The following ARMC2 variants were observed in gnomAD, a reference collection of about 807,000 sequenced individuals.
ARMC2 encodes armadillo repeat-containing protein 2.
A neutral mutation model predicts 90.3 loss-of-function variants in ARMC2; 67 were observed. That is an observed-to-expected ratio of 0.74 (90% CI 0.61 to 0.91). ARMC2 has a LOEUF of 0.91. Ranked by LOEUF, ARMC2 falls within the 40% of genes least tolerant of loss-of-function variation. The pLI, the probability that ARMC2 is intolerant of heterozygous loss-of-function variation, is 0.00. For synonymous variants in ARMC2, 393 were observed against 393.0 expected (o/e 1.00, Z 0.00); for missense variants, 920 against 1,030.9 (o/e 0.89, Z 1.47).
intron 8 of ARMC2, chr6:108,907,475 T>TAA: frequency 1.0e-5 from 5 of 500,818 alleles, no homozygotes; most frequent in Non-Finnish European, 1.6e-5. Context: ...TTTTTTTTTT[T>TAA]TTACCAGTCA....
chr6:109,004,736 G>A, the ARMC2 span, among the ~76,000 whole-genome samples: 8 of 151,456 alleles, frequency 5.3e-5, no homozygotes, highest in South Asian at 2.1e-4. Context: ...ACCAACAATC[G>A]TATTTTAAAA....
chr6:108,937,924 C>T (rs956323262), intron 12 of ARMC2, among the ~76,000 whole-genome samples: 3 of 152,108 alleles, frequency 2.0e-5, no homozygotes, highest in African/African-American at 7.2e-5. Context: ...TCTTGATCTC[C>T]TGACCTCATG....
At chr6:108,860,003 TTA>T (rs1491354168) in intron 3 of ARMC2, among the ~76,000 whole-genome samples, 1 of 132,404 alleles carries the variant, frequency 7.6e-6, no homozygotes, top group African/African-American at 3.1e-5. Context: ...AAACTCTGTC[TTA>T]AAAAAAAAAA....
chr6:108,881,198 GTTTC>G (rs1382071527), intron 5 of ARMC2, among the ~76,000 whole-genome samples: 2 of 143,956 alleles, frequency 1.4e-5, no homozygotes, highest in South Asian at 2.2e-4. Flanking sequence ...TTCTTTCTTT[GTTTC>G]TTTCTTTCCT....
At chr6:108,885,216 A>G (rs1255211570) in intron 5 of ARMC2, among the ~76,000 whole-genome samples, 3 of 123,774 alleles carry the variant, frequency 2.4e-5, no homozygotes, top group African/African-American at 8.7e-5. Flanking sequence ...TTATTAAAAA[A>G]GGTGCCAAGG....
At chr6:109,009,243 G>T in the ARMC2 span, 1 of 1,007,180 alleles carries the variant, frequency 9.9e-7, no homozygotes, top group Non-Finnish European at 1.3e-6. Flanking sequence ...GTTTTCGGAT[G>T]CTGACCGGGA....
chr6:108,870,888 G>C lies in ARMC2; in HGVS notation c.463+1893G>C, dbSNP rs1256356863. Among the ~76,000 whole-genome samples the C allele has an allele frequency of 1.4e-5, 2 of 146,708 alleles. 1 individual carries two copies. On this transcript the variant is annotated intron_variant, in intron 4 of 17. Transcript: ENST00000392644. ...TAGTGAGAGGAGATAGACAATGACAGGAGAACAAATAAGTAAGAGAATTTG... is the reference window on the plus strand; with the variant it reads ...TAGTGAGAGGAGATAGACAATGACACGAGAACAAATAAGTAAGAGAATTTG...
At position 108,904,369 on chromosome 6, in the gene ARMC2, C is replaced by T; in HGVS notation, c.987C>T (p.Asp329=). ...TLCKLVDVGS[D]SLSLKLAKII... ...GTAAACTAGTTGATGTTGGTTCAGA[C>T]TCGCTCAGCCTTAAACTTGCAAAAA... The change falls in exon 8 of 18, where the codon GAC becomes GAT. Residue 329 remains aspartate (D), a synonymous_variant. Transcript: ENST00000392644. 6.2e-7 allele frequency: 1 copy of T among 1,612,100 alleles called. No individual in the cohort carries two copies. Among genetic ancestry groups the T allele is most frequent in the South Asian group, 1.1e-5 (1 of 90,752 alleles).
At chr6:108,899,637 G>C in intron 6 of ARMC2, 57 bp from the exon 7 acceptor site, 2 of 1,308,654 alleles carry the variant, frequency 1.5e-6, no homozygotes, top group Non-Finnish European at 2.2e-6. Flanking sequence ...TTTTGACCAT[G>C]CTTCATGACA....
the ARMC2 span, among the ~76,000 whole-genome samples, chr6:108,993,409 T>G: frequency 1.2e-4 from 19 of 152,204 alleles, no homozygotes; most frequent in African/African-American, 4.6e-4. Flanking sequence ...TAGGAGTTGA[T>G]GAGATTATAG....
intron 10 of ARMC2, among the ~76,000 whole-genome samples, chr6:108,925,819 A>C (rs1775055087): frequency 6.6e-6 from 1 of 152,154 alleles, no homozygotes; most frequent in Non-Finnish European, 1.5e-5. Context: ...GAAATACGTG[A>C]GGTATTGTAT....
the ARMC2 span, chr6:108,992,641 C>T: frequency 3.1e-6 from 2 of 647,800 alleles, no homozygotes; most frequent in Non-Finnish European, 5.5e-6. Flanking sequence ...GAATTAGAAA[C>T]AGTCTTTCAC....
chr6:108,996,771 A>G, the ARMC2 span, among the ~76,000 whole-genome samples: 1 of 152,198 alleles, frequency 6.6e-6, no homozygotes, highest in Non-Finnish European at 1.5e-5. Flanking sequence ...TAATACACCA[A>G]CACTTAGAAG....
At chr6:108,938,211 G>A (rs13195379) in intron 12 of ARMC2, among the ~76,000 whole-genome samples, 55,467 of 151,948 alleles carry the variant, frequency 0.37, 10,529 homozygotes, top group East Asian at 0.59. Flanking sequence ...TATACTAACA[G>A]TATTTTAATC....
intron 10 of ARMC2, among the ~76,000 whole-genome samples, chr6:108,925,385 C>T (rs1369293902): frequency 6.6e-6 from 1 of 152,204 alleles, no homozygotes; most frequent in Non-Finnish European, 1.5e-5. Context: ...CCACCATGTA[C>T]CAGGCACTGG....
chr6:108,868,879 C>T lies in ARMC2; in HGVS notation c.347C>T (p.Pro116Leu). 6.2e-7 allele frequency: 1 copy of T among 1,613,978 alleles called. No homozygotes were observed. Residue 116 changes from proline (P) to leucine (L), a missense_variant, in exon 4 of 18, where the codon CCT becomes CTT. Transcript: ENST00000392644. ...TREEDSCFSF[P>L]KPPVDPAKIR... ...GAGGAGGATTCCTGCTTTTCCTTTC[C>T]TAAGCCCCCAGTGGACCCTGCGAAG...
At chr6:109,033,991 A>G in the ARMC2 span, among the ~76,000 whole-genome samples, 2 of 152,326 alleles carry the variant, frequency 1.3e-5, no homozygotes, top group African/African-American at 4.8e-5. Context: ...CTTAGCCTCA[A>G]TGTCCTCACC....
the ARMC2 span, among the ~76,000 whole-genome samples, chr6:109,004,930 A>G: frequency 2.6e-5 from 4 of 152,340 alleles, no homozygotes; most frequent in African/African-American, 7.2e-5. Context: ...TTAATTGTTT[A>G]TATATTGCTG....
intron 4 of ARMC2, among the ~76,000 whole-genome samples, chr6:108,873,683 A>G (rs1460690532): frequency 3.3e-5 from 5 of 152,140 alleles, no homozygotes; most frequent in Non-Finnish European, 5.9e-5. Flanking sequence ...GGCAATACAC[A>G]CTTGAAGCTG....
Sources: gnomAD v4.1 joint callset for allele counts (sites outside exome capture counted in the v4.1 genomes callset) on GRCh38, gnomAD v4.1.1 for gene constraint, MANE v1.5 for transcripts, NCBI Gene and HGNC (gene_info 2026-07-23, HGNC 2026-07-21) for gene names.